AKAP9: variants seen among roughly 807,000 people sequenced by gnomAD.
AKAP9 encodes A-kinase anchor protein 9.
In AKAP9, 311 loss-of-function variants were observed where a neutral mutation model predicts 488.5. The ratio of observed to expected loss-of-function variants is 0.64; its 90% CI spans 0.58 to 0.70. The LOEUF is 0.70. Among genes scored for constraint, AKAP9 ranks in the 30% least tolerant of loss-of-function variants. AKAP9 has a pLI of 0.00. For synonymous variants in AKAP9, 1,462 were observed against 1,483.5 expected (o/e 0.99, Z 0.33); for missense variants, 4,215 against 4,374.5 (o/e 0.96, Z 1.03).
Position 92,014,253 on chromosome 7 carries a change from T to A in AKAP9, c.3537T>A (p.Asp1179Glu), listed in dbSNP as rs1165070595. The change falls in exon 10 of 50, where the codon GAT becomes GAA. Residue 1179 changes from aspartate to glutamate, a missense_variant. Asp to Glu is a conservative substitution (Grantham distance 45). Transcript: ENST00000356239. ...ATCCATTATCTGTTCTATTAGGTGA[T>A]GAAGGAAAGCCTTTACATCTGCTCA... ...LQTMKTQETG[D>E]EGKPLHLLIG... 4 of 1,608,440 alleles carry A rather than the reference T, an allele frequency of 2.5e-6. No homozygotes were observed. The South Asian group carries it at 4.4e-5, about 18-fold the overall frequency.
rs755782366 is a variant in AKAP9, at chr7:91,941,094, G to T, written c.-6G>T. 3.7e-6 allele frequency: 6 copies of T among 1,613,790 alleles called. No individual in the cohort carries two copies. Among genetic ancestry groups the T allele is most frequent in the Non-Finnish European group, 5.1e-6 (6 of 1,179,778 alleles). On this transcript the variant is annotated 5_prime_UTR_variant, in exon 1 of 50. Coordinates refer to ENST00000356239, the MANE Select transcript of AKAP9 (RefSeq NM_005751.5). ...CCTGTTTTCCCCTGCCTTCCTTGCA[G>T]AGGCCATGGAGGACGAGGAGAGACA...
Position 92,022,293 on chromosome 7 carries a change from C to T in AKAP9, c.3893C>T (p.Pro1298Leu). ...MKLEFGEENLPKEETEFLSIH... is the reference protein window; with the variant it reads ...MKLEFGEENLLKEETEFLSIH... ...CTTGAATTTGGAGAAGAAAACCTTCCAAAAGAGGAAACAGAGTTTTTATCA... is the reference window on the plus strand; with the variant it reads ...CTTGAATTTGGAGAAGAAAACCTTCTAAAAGAGGAAACAGAGTTTTTATCA... Residue 1298 changes from proline to leucine, a missense_variant, in exon 13 of 50, where the codon CCA becomes CTA. Around this residue, in one of 5 missense-constraint regions of AKAP9, gnomAD observed 2,361 missense variants for 2,430.0 expected, o/e 0.97. Coordinates refer to ENST00000356239, the MANE Select transcript of AKAP9 (RefSeq NM_005751.5). The T allele has an allele frequency of 6.2e-7, 1 of 1,613,622 alleles. No homozygotes were observed. The highest frequency in any genetic ancestry group is 1.1e-5 in the South Asian group (1 of 91,076).
In AKAP9 at chr7:92,062,481, A is replaced by C; in HGVS notation, c.5972A>C (p.Glu1991Ala). 2 of 1,612,876 alleles carry C rather than the reference A, an allele frequency of 1.2e-6. No homozygotes were observed. The highest frequency in any genetic ancestry group is 1.7e-6 in the Non-Finnish European group (2 of 1,179,172). ...EAMKAEAGPV[E>A]QQLLQETEKL... is the part of the protein sequence containing the mutation. Reference sequence around the variant, plus strand: ...ATGAAAGCAGAGGCAGGCCCAGTTGAACAACGTAAGTATTTTCAGAATTTG... The same window carrying C: ...ATGAAAGCAGAGGCAGGCCCAGTTGCACAACGTAAGTATTTTCAGAATTTG... The change falls in exon 24 of 50, where the codon GAA becomes GCA. Residue 1991 changes from glutamate to alanine, a missense_variant. Around this residue, in one of 5 missense-constraint regions of AKAP9, gnomAD observed 2,361 missense variants for 2,430.0 expected, o/e 0.97. Coordinates refer to ENST00000356239, the MANE Select transcript of AKAP9 (RefSeq NM_005751.5).
At chr7:91,980,516 T>TTTTTC (rs1244913056) in intron 3 of AKAP9, among the ~76,000 whole-genome samples, 183 bp downstream of exon 3, 1 of 145,344 alleles carries the variant, frequency 6.9e-6, no homozygotes, top group African/African-American at 2.5e-5. Context: ...TTTTTTTTTT[T>TTTTTC]TTCAGATTAT....
intron 42 of AKAP9, 42 bp downstream of exon 42, chr7:92,097,836 A>G (rs762214265): frequency 5.0e-6 from 8 of 1,594,546 alleles, no homozygotes; most frequent in Non-Finnish European, 6.9e-6. Context: ...TAGTATTCTT[A>G]GGCTGGGTAG....
intron 2 of AKAP9, among the ~76,000 whole-genome samples, chr7:91,979,022 C>T (rs1177464397): frequency 6.6e-6 from 1 of 151,124 alleles, no homozygotes; most frequent in Non-Finnish European, 1.5e-5. Flanking sequence ...AAATGATCCA[C>T]CCACCTCAGC....
rs537499946 is a variant in AKAP9, at chr7:92,102,801, G to A, written c.11305G>A (p.Val3769Ile). The change falls in exon 46 of 50, where the codon GTC becomes ATC. Residue 3769 changes from valine to isoleucine, a missense_variant. Physicochemically the swap from Val to Ile is conservative, Grantham distance 29 (BLOSUM62 3). Transcript: ENST00000356239. ...GGGCTTCACCAGGTTTCGGTCGGCC[G>A]TCAGAGTATCCATTGCAATTTCCAG... ...PKGFTRFRSAVRVSIAISRMK... is the reference protein window; with the variant it reads ...PKGFTRFRSAIRVSIAISRMK... 27 of 1,614,174 alleles carry A rather than the reference G, an allele frequency of 1.7e-5. No individual in the cohort carries two copies. The South Asian group carries it at 1.9e-4, about 11-fold the overall frequency.
In AKAP9 at chr7:92,097,126, A is replaced by C; in HGVS notation, c.10167A>C (p.Lys3389Asn). ...AAAAAGATAGGCAGGTTCACAGGAAAACACTGCAGACAGAACAGGAGGCCA... is the reference window on the plus strand; with the variant it reads ...AAAAAGATAGGCAGGTTCACAGGAACACACTGCAGACAGAACAGGAGGCCA... ...QMEKDRQVHR[K>N]TLQTEQEANT... Residue 3389 changes from lysine (K) to asparagine (N), a missense_variant, in exon 41 of 50, where the codon AAA becomes AAC. Transcript: ENST00000356239. 6.2e-7 allele frequency: 1 copy of C among 1,614,246 alleles called. No homozygotes were observed. The highest frequency in any genetic ancestry group is 8.5e-7 in the Non-Finnish European group (1 of 1,180,042).
At chr7:92,034,050 A>G (rs7811564) in intron 16 of AKAP9, among the ~76,000 whole-genome samples, 60,847 of 151,934 alleles carry the variant, frequency 0.4, 12,482 homozygotes, top group African/African-American at 0.46. Context: ...GTGTTATTTT[A>G]TATAGGGTTG....
At position 92,083,209 on chromosome 7, in the gene AKAP9, A is replaced by T. The variant is rs1554453992; in HGVS notation, c.8200A>T (p.Ser2734Cys). 3 of 1,614,128 alleles carry T rather than the reference A, an allele frequency of 1.9e-6. No homozygotes were observed. The East Asian group carries it at 6.7e-5, about 36-fold the overall frequency. ...TATGACATCTCTTCAGAAAGACTTA[A>T]GCCAAGTTAGGGATCACCTCGCAGA... ...TNMTSLQKDL[S>C]QVRDHLAEAK... Residue 2734 changes from serine (S) to cysteine (C), a missense_variant, in exon 33 of 50, where the codon AGC becomes TGC. Ser to Cys is a moderately radical substitution (Grantham distance 112). This residue lies in a region of AKAP9 where 1,476 missense variants were observed against 1,477.4 expected (regional missense o/e 1.00). Coordinates refer to ENST00000356239, the MANE Select transcript of AKAP9 (RefSeq NM_005751.5).
intron 49 of AKAP9, chr7:92,109,174 G>A (rs761133981): frequency 1.5e-5 from 3 of 199,910 alleles, no homozygotes; most frequent in East Asian, 7.9e-5. Flanking sequence ...ATGTATCATC[G>A]AAAAAAACTA....
At chr7:92,011,217 A>C (rs1005628672) in intron 8 of AKAP9, among the ~76,000 whole-genome samples, 5 of 152,210 alleles carry the variant, frequency 3.3e-5, no homozygotes, top group Non-Finnish European at 7.3e-5. Context: ...TTTCAACATC[A>C]CTATTTCAAC....
intron 1 of AKAP9, among the ~76,000 whole-genome samples, chr7:91,943,494 G>T (rs1791054423): frequency 6.6e-6 from 1 of 152,202 alleles, no homozygotes; most frequent in Non-Finnish European, 1.5e-5. Flanking sequence ...GACAGTGTCT[G>T]CTCTCAAGTT....
intron 15 of AKAP9, among the ~76,000 whole-genome samples, 190 bp from the exon 16 acceptor site, chr7:92,031,322 G>A (rs963603926): frequency 1.1e-4 from 16 of 152,092 alleles, no homozygotes; most frequent in African/African-American, 3.9e-4. Flanking sequence ...ACGGTAGTGA[G>A]TATAATTATT....
Position 92,079,951 on chromosome 7 carries a change from G to A in AKAP9, c.7818G>A (p.Leu2606=), listed in dbSNP as rs936006169. ...ELGSDISALT[L]RISELESQVV... The stretch of plus-strand genomic sequence containing the variant: ...GGTCAGATATATCAGCATTAACCTT[G>A]AGAATATCAGAATTAGAAAGCCAGG... Residue 2606 remains leucine (L), a synonymous_variant, in exon 31 of 50, where the codon TTG becomes TTA. Coordinates refer to ENST00000356239, the MANE Select transcript of AKAP9 (RefSeq NM_005751.5). The A allele has an allele frequency of 6.3e-7, 1 of 1,596,028 alleles. No homozygotes were observed. Among genetic ancestry groups the A allele is most frequent in the Non-Finnish European group, 8.5e-7 (1 of 1,173,416 alleles).
At chr7:92,008,980 AT>A (rs1300032390) in intron 8 of AKAP9, among the ~76,000 whole-genome samples, 2 of 119,608 alleles carry the variant, frequency 1.7e-5, no homozygotes, top group African/African-American at 3.5e-5. Context: ...GCGAGACTCC[AT>A]TTAAAAAAAA....
intron 16 of AKAP9, among the ~76,000 whole-genome samples, chr7:92,035,801 G>T (rs1805099000): frequency 2.0e-5 from 3 of 152,140 alleles, no homozygotes; most frequent in Admixed American, 2.0e-4. Flanking sequence ...AGTGGGAGAA[G>T]CAGGCTGTAG....
intron 1 of AKAP9, among the ~76,000 whole-genome samples, chr7:91,963,532 T>A (rs936405858): frequency 1.8e-5 from 2 of 111,688 alleles, no homozygotes; most frequent in Non-Finnish European, 4.2e-5. Context: ...ACACACATAT[T>A]TTTGAGACGG....
chr7:92,103,545 A>C (rs922986402), intron 46 of AKAP9, among the ~76,000 whole-genome samples: 2 of 151,538 alleles, frequency 1.3e-5, no homozygotes, highest in African/African-American at 4.9e-5. Context: ...GTACAAAAAA[A>C]TTAGCCAGGC....
Sources: allele counts gnomAD v4.1 joint callset (sites outside exome capture counted in the v4.1 genomes callset), GRCh38; gene constraint gnomAD v4.1.1; regional missense constraint gnomAD v4.1.1; transcripts MANE v1.5; gene names NCBI Gene and HGNC (gene_info 2026-07-23, HGNC 2026-07-21).